XRN1: variants seen among roughly 807,000 people sequenced by gnomAD.
XRN1 encodes strand-exchange protein 1 homolog.
A neutral mutation model predicts 222.3 loss-of-function variants in XRN1; 67 were observed. That is an observed-to-expected ratio of 0.30 (90% CI 0.25 to 0.37). The LOEUF is 0.37. Among genes scored for constraint, XRN1 ranks in the 10% least tolerant of loss-of-function variants. The pLI, the probability that XRN1 is intolerant of heterozygous loss-of-function variation, is 1.00. For missense variants in XRN1, 1,707 were observed against 2,000.2 expected, an observed-to-expected ratio of 0.85 and a Z score of 2.80; for synonymous variants, 643 against 652.4, an observed-to-expected ratio of 0.99 and a Z score of 0.22.
chr3:142,410,063 T>A (rs1199419363), intron 15 of XRN1, among the ~76,000 whole-genome samples: 2 of 152,216 alleles, frequency 1.3e-5, no homozygotes, highest in Non-Finnish European at 2.9e-5. Context: ...AATTTTTACA[T>A]AGATAATAAT....
intron 13 of XRN1, among the ~76,000 whole-genome samples, chr3:142,416,110 TTTC>T (rs2068776603): frequency 6.6e-6 from 1 of 152,126 alleles, no homozygotes; most frequent in Non-Finnish European, 1.5e-5. Flanking sequence ...TCCTTTCTCT[TTTC>T]TTCTTCACCT....
chr3:142,348,992 A>C (rs1201507292), intron 32 of XRN1, among the ~76,000 whole-genome samples: 2 of 151,824 alleles, frequency 1.3e-5, no homozygotes, highest in Admixed American at 1.3e-4. Context: ...TTGCTCTGTC[A>C]CTGAGGCTGC....
At chr3:142,386,592 T>C (rs1170069900) in intron 20 of XRN1, among the ~76,000 whole-genome samples, 2 of 152,040 alleles carry the variant, frequency 1.3e-5, no homozygotes, top group African/African-American at 4.8e-5. Flanking sequence ...AGTTTTCCCC[T>C]GAAATTGAGA....
chr3:142,369,306 A>C (rs928793785), intron 27 of XRN1, among the ~76,000 whole-genome samples: 1 of 152,204 alleles, frequency 6.6e-6, no homozygotes, highest in Non-Finnish European at 1.5e-5. Flanking sequence ...GGAGAGATTG[A>C]GGGAGTTCAA....
At chr3:142,379,422 G>T (rs556466123) in intron 23 of XRN1, among the ~76,000 whole-genome samples, 8 of 152,306 alleles carry the variant, frequency 5.3e-5, no homozygotes, top group Non-Finnish European at 8.8e-5. Flanking sequence ...GAAGCTACTG[G>T]AGTAAGTGCT....
Position 142,425,489 on chromosome 3 carries a change from A to T in XRN1, c.456T>A (p.Asn152Lys), listed in dbSNP as rs2069208107. 1 of 1,613,440 alleles carries T rather than the reference A, an allele frequency of 6.2e-7. No individual in the cohort carries two copies. The highest frequency in any genetic ancestry group is 1.3e-5 in the African/African-American group (1 of 74,918). ...RLHEHLKYFV[N>K]MKISTDKSWQ... is the part of the protein sequence containing the mutation. ...ATGACTTGTCTGTGGAAATTTTCAT[A>T]TTTACAAAATACTTCAGATGTTCAT... The change falls in exon 4 of 41, where the codon AAT becomes AAA. Residue 152 changes from asparagine (N) to lysine (K), a missense_variant. Around this residue, in one of 2 missense-constraint regions of XRN1, gnomAD observed 1,234 missense variants for 1,518.2 expected, o/e 0.81. Coordinates refer to ENST00000392981, the MANE Select transcript of XRN1 (RefSeq NM_001282857.2).
rs368157379 is a variant in XRN1 at position 142,360,899 on chromosome 3, C to G, written c.3395-968G>C. Among the ~76,000 whole-genome samples the G allele has an allele frequency of 3.3e-3, 463 of 142,394 alleles. 2 individuals carry two copies. The highest frequency in any genetic ancestry group is 9.8e-3 in the African/African-American group (380 of 38,828). 93.4% of individuals were successfully genotyped at this position (142,394 alleles called of 152,430 possible). A position where few individuals can be genotyped will look rare whatever the true frequency, so the allele number is the denominator to read the frequency against. ...AAAAAAAAAAAAAAAAACCAAACAA[C>G]AACAAAACAGCCTTACTGAGGTATA... On this transcript the variant is annotated intron_variant, in intron 29 of 40. Transcript: ENST00000392981.
At chr3:142,353,858 G>T (rs1207443200) in intron 32 of XRN1, among the ~76,000 whole-genome samples, 1 of 152,002 alleles carries the variant, frequency 6.6e-6, no homozygotes, top group Non-Finnish European at 1.5e-5. Context: ...GTTTCTGCTC[G>T]CTAAAAAAAT....
chr3:142,404,181 C>T (rs1274665106), intron 16 of XRN1, among the ~76,000 whole-genome samples, 192 bp from the exon 17 acceptor site: 1 of 152,020 alleles, frequency 6.6e-6, no homozygotes, highest in South Asian at 2.1e-4. Context: ...CACAATCATG[C>T]CTGTAGATTA....
At chr3:142,396,493 T>C (rs1478255147) in intron 20 of XRN1, among the ~76,000 whole-genome samples, 1 of 152,196 alleles carries the variant, frequency 6.6e-6, no homozygotes, top group African/African-American at 2.4e-5. Context: ...TAAACTATGA[T>C]GGGGTATCTA....
chr3:142,378,197 G>A (rs1263284432), intron 23 of XRN1, among the ~76,000 whole-genome samples: 1 of 152,186 alleles, frequency 6.6e-6, no homozygotes, highest in Non-Finnish European at 1.5e-5. Context: ...ACAGGAGAAA[G>A]GAAAGCCACT....
intron 1 of XRN1, among the ~76,000 whole-genome samples, chr3:142,442,766 C>T (rs113183485): frequency 6.6e-6 from 1 of 152,152 alleles, no homozygotes; most frequent in Non-Finnish European, 1.5e-5. Context: ...TGGAATCTCG[C>T]TCTGTTGCCC....
chr3:142,398,286 T>G (rs1460828161), intron 19 of XRN1, among the ~76,000 whole-genome samples: 1 of 151,780 alleles, frequency 6.6e-6, no homozygotes, highest in Non-Finnish European at 1.5e-5. Flanking sequence ...ATTTTTTTCC[T>G]AAGAGACTAA....
At chr3:142,380,511 G>A (rs1202548120) in intron 22 of XRN1, among the ~76,000 whole-genome samples, 17 of 152,016 alleles carry the variant, frequency 1.1e-4, no homozygotes, top group Admixed American at 2.6e-4. Context: ...TGGTATGGCC[G>A]TAGACAGGAT....
rs373914905 is a variant in XRN1, at chr3:142,318,618, A to G, written c.4595T>C (p.Ile1532Thr). The change falls in exon 39 of 41, where the codon ATT becomes ACT. Residue 1532 changes from isoleucine to threonine, a missense_variant. Ile to Thr is a moderately conservative substitution (Grantham distance 89, BLOSUM62 -1). This residue lies in a region of XRN1 where 473 missense variants were observed against 482.0 expected (regional missense o/e 0.98). Transcript: ENST00000392981. ...AGTAGGTGGGGGAAAGGCTGGAGGA[A>G]TGGTTCCAGGTGGTACAGCTGAAGG... Reference protein sequence around the residue: ...NYPSAVPPGTIPPAFPPPTAN... With the variant: ...NYPSAVPPGTTPPAFPPPTAN... 6.2e-7 allele frequency: 1 copy of G among 1,608,190 alleles called. No homozygotes were observed. The highest frequency in any genetic ancestry group is 1.3e-5 in the African/African-American group (1 of 74,918).
intron 36 of XRN1, among the ~76,000 whole-genome samples, chr3:142,331,844 G>A (rs1181510196): frequency 6.6e-6 from 1 of 152,030 alleles, no homozygotes; most frequent in Non-Finnish European, 1.5e-5. Flanking sequence ...GCGTGATCTT[G>A]GCTCACTGCA....
intron 33 of XRN1, among the ~76,000 whole-genome samples, chr3:142,345,626 T>G (rs2066123882): frequency 6.6e-6 from 1 of 152,072 alleles, no homozygotes; most frequent in Non-Finnish European, 1.5e-5. Context: ...ACCCACAGAA[T>G]GGGAGAAAAT....
Position 142,412,537 on chromosome 3 carries a change from C to T in XRN1, c.1713+7G>A. The T allele has an allele frequency of 6.3e-7, 1 of 1,594,876 alleles. No individual in the cohort carries two copies. The highest frequency in any genetic ancestry group is 1.1e-5 in the South Asian group (1 of 87,844). On this transcript the variant is annotated splice_region_variant and intron_variant, in intron 15 of 40. Transcript: ENST00000392981. Reference sequence around the variant, plus strand: ...ATGTGTATGTAATGATTATTTCATGCACTGACCTCATCAATAAAAGGGATT... The same window carrying T: ...ATGTGTATGTAATGATTATTTCATGTACTGACCTCATCAATAAAAGGGATT...
chr3:142,319,010 A>C (rs1187835972), intron 37 of XRN1, 107 bp from the exon 38 acceptor site: 4 of 963,970 alleles, frequency 4.1e-6, no homozygotes, highest in Non-Finnish European at 5.9e-6. Flanking sequence ...AATTTAAAAA[A>C]GGGCTTTCAG....
Sources: allele counts gnomAD v4.1 joint callset (sites outside exome capture counted in the v4.1 genomes callset), GRCh38; gene constraint gnomAD v4.1.1; regional missense constraint gnomAD v4.1.1; transcripts MANE v1.5; gene names NCBI Gene and HGNC (gene_info 2026-07-23, HGNC 2026-07-21).